Variants in RPL22 observed in about 807,000 individuals in gnomAD.
The protein encoded by RPL22 is ribosomal protein L22.
Under a neutral mutation model 16.2 loss-of-function variants are expected in RPL22, and 4 were observed. The ratio of observed to expected loss-of-function variants is 0.25; its 90% confidence interval spans 0.12 to 0.57. The LOEUF (loss-of-function observed/expected upper bound fraction) is 0.57, where lower values mean the gene tolerates loss of function less well. RPL22 is among the 20% of genes least tolerant of loss of function. RPL22 has a pLI of 0.92. For missense variants in RPL22, 83 were observed against 156.1 expected (o/e 0.53, Z 2.49); for synonymous variants, 43 against 54.8 (o/e 0.78, Z 0.95).
At chr1:6,199,501 G>C in intron 1 of RPL22, 61 bp downstream of exon 1, 2 of 1,543,092 alleles carry the variant, frequency 1.3e-6, no homozygotes, top group Non-Finnish European at 1.8e-6. Flanking sequence ...GGTAGATGCC[G>C]GGCTCGGCGA....
chr1:6,191,828 T>C (rs981007017), intron 3 of RPL22, among the ~76,000 whole-genome samples: 6 of 151,062 alleles, frequency 4.0e-5, no homozygotes, highest in East Asian at 3.9e-4. Context: ...CAAAACTCTG[T>C]CTCTACTAAA....
intron 2 of RPL22, among the ~76,000 whole-genome samples, chr1:6,196,442 CTA>C (rs1667719345): frequency 6.6e-6 from 1 of 152,170 alleles, no homozygotes; most frequent in Admixed American, 6.5e-5. Flanking sequence ...AGGCAATAAA[CTA>C]TAAGAGGTTA....
intron 1 of RPL22, chr1:6,199,327 G>A (rs930747817): frequency 2.2e-5 from 27 of 1,213,426 alleles, no homozygotes; most frequent in Admixed American, 3.5e-5. Flanking sequence ...GCCCCTAGCT[G>A]GGGCCCCGGG....
At chr1:6,191,936 T>G (rs1274728674) in intron 3 of RPL22, among the ~76,000 whole-genome samples, 1 of 148,606 alleles carries the variant, frequency 6.7e-6, no homozygotes, top group Non-Finnish European at 1.5e-5. Flanking sequence ...GAGGCAGAGG[T>G]TGCAGTGAGC....
chr1:6,196,379 TA>T (rs1240058042), intron 2 of RPL22, among the ~76,000 whole-genome samples: 1 of 152,134 alleles, frequency 6.6e-6, no homozygotes. Flanking sequence ...GAGAAAGAAC[TA>T]AGGAAATAGG....
intron 2 of RPL22, among the ~76,000 whole-genome samples, chr1:6,195,238 G>C (rs1667700616): frequency 6.6e-6 from 1 of 151,914 alleles, no homozygotes; most frequent in Non-Finnish European, 1.5e-5. Flanking sequence ...AAAGGCAGGA[G>C]ATTGAGACCA....
At chr1:6,191,471 T>G (rs1295480246) in intron 3 of RPL22, among the ~76,000 whole-genome samples, 4 of 131,024 alleles carry the variant, frequency 3.1e-5, no homozygotes, top group African/African-American at 1.2e-4. Context: ...ATCGAGACCA[T>G]CCTGGCTAAC....
Position 6,192,935 on chromosome 1 carries a change from G to C in RPL22, c.237C>G (p.Ser79=). The C allele has an allele frequency of 1.2e-6, 2 of 1,612,878 alleles. No homozygotes were observed. Among genetic ancestry groups the C allele is most frequent in the African/African-American group, 1.3e-5 (1 of 74,976 alleles). ...KITVTSEVPF[S]KRYLKYLTKK... The stretch of plus-strand genomic sequence containing the variant: ...CACACACTTCCCTCCTGTACCTTTT[G>C]GAGAAAGGCACCTCGGATGTCACGG... The change falls in exon 3 of 4, where the codon TCC becomes TCG. Residue 79 remains serine (S), a synonymous_variant. Transcript: ENST00000234875.
rs1162081816 is a variant in RPL22, at chr1:6,199,543, C to T, written c.12+19G>A. On this transcript the variant is annotated intron_variant, in intron 1 of 3. Transcript: ENST00000234875. ...CGTGCCTCCCCTGGAGCCGAGGCCT[C>T]ACGCGGAGCCATACTAACCACAGGA... The T allele has an allele frequency of 6.4e-6, 10 of 1,559,224 alleles. No individual in the cohort carries two copies. In the Admixed American group the frequency reaches 1.9e-4, roughly 30 times the overall value.
chr1:6,192,654 G>A (rs940684249), intron 3 of RPL22, among the ~76,000 whole-genome samples: 1 of 152,142 alleles, frequency 6.6e-6, no homozygotes, highest in African/African-American at 2.4e-5. Context: ...AGCCGAGATC[G>A]CGCCATTGCA....
In RPL22 at chr1:6,185,096, CAT is replaced by C. The variant is rs2100899270; in HGVS notation, c.*1574_*1575del. ...ACTCGATTACAAGAGTTCAAAAAGA[CAT>C]AGAAAACCAGTGAGTTTCAATTTTA... On this transcript the variant is annotated 3_prime_UTR_variant, in exon 4 of 4. Transcript: ENST00000234875. The C allele has an allele frequency of 5.2e-6, 2 of 381,300 alleles. No homozygotes were observed. Among genetic ancestry groups the C allele is most frequent in the Non-Finnish European group, 9.3e-6 (2 of 216,004 alleles). 23.6% of individuals were successfully genotyped at this position (381,300 alleles called of 1,614,324 possible). A position where few individuals can be genotyped will look rare whatever the true frequency, so the allele number is the denominator to read the frequency against.
chr1:6,199,301 C>G, intron 1 of RPL22: 2 of 955,818 alleles, frequency 2.1e-6, no homozygotes, highest in South Asian at 3.4e-5. Context: ...AGTCTCCAGG[C>G]TCCAGCTCCC....
At chr1:6,186,932 G>T in intron 3 of RPL22, 116 bp from the exon 4 acceptor site, 2 of 1,504,202 alleles carry the variant, frequency 1.3e-6, no homozygotes, top group Non-Finnish European at 1.8e-6. Context: ...GTTTTCCCAA[G>T]CCTCAAAAAT....
intron 2 of RPL22, among the ~76,000 whole-genome samples, chr1:6,195,471 T>C (rs374442586): frequency 1.3e-4 from 18 of 143,588 alleles, no homozygotes; most frequent in Admixed American, 4.3e-4. Flanking sequence ...AAAATTTGGC[T>C]GGGCACAGCG....
chr1:6,197,949 T>C, intron 1 of RPL22, 193 bp from the exon 2 acceptor site: 1 of 604,326 alleles, frequency 1.7e-6, no homozygotes. Flanking sequence ...GATGCTGCTG[T>C]ACAAGCTTGG....
In RPL22 at chr1:6,189,612, T is replaced by TAAAAA. The variant is rs550383303; in HGVS notation, c.243-2801_243-2797dup. Among the ~76,000 whole-genome samples the TAAAAA allele has an allele frequency of 3.2e-4, 40 of 125,792 alleles. 1 individual carries two copies. Among genetic ancestry groups the TAAAAA allele is most frequent in the East Asian group, 2.2e-3 (10 of 4,462 alleles). The allele number at this position is 125,792 out of a possible 152,430, so 82.5% of individuals were successfully genotyped here. ...AGTACACTGGGGAAAAAAATCAGGT[T>TAAAAA]AAAAAAAAAAAAAAAACCCTGTACA... On this transcript the variant is annotated intron_variant, in intron 3 of 3. Coordinates refer to ENST00000234875, the MANE Select transcript of RPL22 (RefSeq NM_000983.4).
chr1:6,189,916 GT>G (rs1184960428), intron 3 of RPL22, among the ~76,000 whole-genome samples: 2 of 152,018 alleles, frequency 1.3e-5, no homozygotes, highest in Non-Finnish European at 2.9e-5. Context: ...ATCAAAACTC[GT>G]TTTCAAAAAT....
At chr1:6,197,791 T>C (rs762396571) in intron 1 of RPL22, 35 bp from the exon 2 acceptor site, 2 of 1,447,010 alleles carry the variant, frequency 1.4e-6, no homozygotes, top group African/African-American at 1.4e-5. Context: ...AGAGATGAAG[T>C]TTCAGTCAGT....
At chr1:6,193,302 C>G (rs1040958459) in intron 2 of RPL22, among the ~76,000 whole-genome samples, 1 of 151,396 alleles carries the variant, frequency 6.6e-6, no homozygotes, top group Non-Finnish European at 1.5e-5. Context: ...GCCATCCCAC[C>G]TGGCCCCAGC....
Sources: allele counts gnomAD v4.1 joint callset (sites outside exome capture counted in the v4.1 genomes callset), GRCh38; gene constraint gnomAD v4.1.1; transcripts MANE v1.5; gene names NCBI Gene and HGNC (gene_info 2026-07-23, HGNC 2026-07-21).